Variants in PRKAR2B observed in about 807,000 individuals in gnomAD.
PRKAR2B encodes the protein protein kinase cAMP-dependent type II regulatory subunit beta, also known as cAMP-dependent protein kinase type II-beta regulatory subunit.
A neutral mutation model predicts 49.9 loss-of-function variants in PRKAR2B; 14 were observed. The ratio of observed to expected loss-of-function variants is 0.28; its 90% CI spans 0.19 to 0.44. The LOEUF is 0.44. Ranked by LOEUF, PRKAR2B falls within the 20% of genes least tolerant of loss-of-function variation. PRKAR2B has a pLI of 1.00. For synonymous variants in PRKAR2B, 196 were observed against 197.7 expected (o/e 0.99, Z 0.07); for missense variants, 393 against 537.9 (o/e 0.73, Z 2.67).
At chr7:107,115,553 A>G (rs1217447565) in intron 2 of PRKAR2B, among the ~76,000 whole-genome samples, 1 of 152,198 alleles carries the variant, frequency 6.6e-6, no homozygotes, top group Admixed American at 6.5e-5. Flanking sequence ...AGAGTTTATG[A>G]GACAGCCTTA....
At chr7:107,153,733 A>T (rs1796029531) in intron 8 of PRKAR2B, among the ~76,000 whole-genome samples, 2 of 152,214 alleles carry the variant, frequency 1.3e-5, no homozygotes, top group Admixed American at 1.3e-4. Flanking sequence ...CTTTTCTAAG[A>T]TCCCAGCTGG....
intron 2 of PRKAR2B, among the ~76,000 whole-genome samples, chr7:107,072,120 T>A (rs1230892641): frequency 5.4e-5 from 8 of 149,234 alleles, no homozygotes; most frequent in Non-Finnish European, 8.9e-5. Context: ...TATATATATA[T>A]AATTGTAGAG....
At chr7:107,153,981 A>C (rs1796034357) in intron 8 of PRKAR2B, among the ~76,000 whole-genome samples, 1 of 152,226 alleles carries the variant, frequency 6.6e-6, no homozygotes, top group Admixed American at 6.5e-5. Flanking sequence ...TTATATGGGA[A>C]ACAAGATTCA....
At chr7:107,068,131 G>A (rs1485250543) in intron 1 of PRKAR2B, among the ~76,000 whole-genome samples, 1 of 152,124 alleles carries the variant, frequency 6.6e-6, no homozygotes, top group Non-Finnish European at 1.5e-5. Context: ...TCTAGATAGC[G>A]ATGCCACCTT....
At chr7:107,158,192 A>T (rs1796131263) in intron 10 of PRKAR2B, among the ~76,000 whole-genome samples, 1 of 151,696 alleles carries the variant, frequency 6.6e-6, no homozygotes. Context: ...GTGAAAGTCT[A>T]TTAGAAATAG....
chr7:107,056,478 C>G (rs920691016), intron 1 of PRKAR2B, among the ~76,000 whole-genome samples: 5 of 152,082 alleles, frequency 3.3e-5, no homozygotes, highest in African/African-American at 1.2e-4. Flanking sequence ...TGTTTGTATC[C>G]TCTTTTATTT....
chr7:107,053,272 A>G (rs914995495), intron 1 of PRKAR2B, among the ~76,000 whole-genome samples: 3 of 152,184 alleles, frequency 2.0e-5, no homozygotes, highest in African/African-American at 4.8e-5. Flanking sequence ...ACATGTGACA[A>G]TATATTGACT....
At chr7:107,116,883 A>G (rs1027139342) in intron 2 of PRKAR2B, among the ~76,000 whole-genome samples, 3 of 147,796 alleles carry the variant, frequency 2.0e-5, no homozygotes, top group African/African-American at 7.6e-5. Flanking sequence ...ATATATACAC[A>G]CATATATATA....
At chr7:107,107,337 A>C (rs1795091512) in intron 2 of PRKAR2B, among the ~76,000 whole-genome samples, 1 of 139,048 alleles carries the variant, frequency 7.2e-6, no homozygotes, top group Non-Finnish European at 1.5e-5. Context: ...ACTCCATCTC[A>C]AAAAAAAAAA....
In PRKAR2B at chr7:107,056,391, A is replaced by G. The variant is rs370132552; in HGVS notation, c.307+11177A>G. ...GCTTGATGGGGATGGCATTGAATCT[A>G]TAAATTACCTTGGGCAGTATGGCCA... is the stretch of plus-strand genomic sequence containing the variant. On this transcript the variant is annotated intron_variant, in intron 1 of 10. Coordinates refer to ENST00000265717, the MANE Select transcript of PRKAR2B (RefSeq NM_002736.3). Among the ~76,000 whole-genome samples the G allele has an allele frequency of 2.0e-5, 3 of 152,312 alleles. No homozygotes were observed. In the South Asian group the frequency reaches 6.2e-4, roughly 32 times the overall value.
intron 2 of PRKAR2B, among the ~76,000 whole-genome samples, chr7:107,100,778 T>A (rs1439154857): frequency 6.6e-6 from 1 of 152,112 alleles, no homozygotes; most frequent in African/African-American, 2.4e-5. Flanking sequence ...GCCCACCTAA[T>A]GAGTTTTTCA....
chr7:107,084,909 G>T (rs1185318376), intron 2 of PRKAR2B, among the ~76,000 whole-genome samples: 1 of 152,042 alleles, frequency 6.6e-6, no homozygotes, highest in East Asian at 1.9e-4. Context: ...ACAGGTGTGA[G>T]CCACCACGCC....
chr7:107,145,847 C>A (rs1468294232), intron 5 of PRKAR2B, among the ~76,000 whole-genome samples: 1 of 146,446 alleles, frequency 6.8e-6, no homozygotes, highest in Non-Finnish European at 1.5e-5. Context: ...TCAAGTGATT[C>A]TCCTGCCTCA....
At chr7:107,143,857 A>C (rs536513144) in intron 5 of PRKAR2B, among the ~76,000 whole-genome samples, 2 of 152,308 alleles carry the variant, frequency 1.3e-5, no homozygotes, top group East Asian at 3.9e-4. Context: ...TCTCATTCCC[A>C]AGATACCTCA....
chr7:107,153,579 A>G (rs574427951), intron 8 of PRKAR2B, among the ~76,000 whole-genome samples: 5 of 152,186 alleles, frequency 3.3e-5, no homozygotes, highest in African/African-American at 9.6e-5. Context: ...GGAAAATTCT[A>G]TAGAGTTTTG....
intron 4 of PRKAR2B, among the ~76,000 whole-genome samples, chr7:107,138,736 C>T (rs570819338): frequency 1.4e-4 from 21 of 147,948 alleles, no homozygotes; most frequent in African/African-American, 4.0e-4. Flanking sequence ...CAGGCTGGAG[C>T]GCAGTGGTGC....
At chr7:107,157,464 C>G in intron 10 of PRKAR2B, 140 bp downstream of exon 10, 1 of 1,092,642 alleles carries the variant, frequency 9.2e-7, no homozygotes. Context: ...GACTCATTGC[C>G]TTATAAAATC....
chr7:107,061,697 A>T (rs1794030120), intron 1 of PRKAR2B, among the ~76,000 whole-genome samples: 1 of 152,184 alleles, frequency 6.6e-6, no homozygotes, highest in Non-Finnish European at 1.5e-5. Flanking sequence ...TGAGGTCAGC[A>T]GTTTGAGACC....
At chr7:107,113,334 G>A (rs1795208508) in intron 2 of PRKAR2B, among the ~76,000 whole-genome samples, 1 of 152,284 alleles carries the variant, frequency 6.6e-6, no homozygotes, top group Admixed American at 6.5e-5. Flanking sequence ...TTAGAGCATT[G>A]GCACAAATTC....
Sources: gnomAD v4.1 joint callset for allele counts (sites outside exome capture counted in the v4.1 genomes callset) on GRCh38, gnomAD v4.1.1 for gene constraint, MANE v1.5 for transcripts, NCBI Gene and HGNC (gene_info 2026-07-23, HGNC 2026-07-21) for gene names.